The following B3GAT2 variants were observed in gnomAD, a reference collection of about 807,000 sequenced individuals.
B3GAT2 encodes beta-1,3-glucuronyltransferase 2.
A neutral mutation model predicts 27.8 loss-of-function variants in B3GAT2; 26 were observed. The ratio of observed to expected loss-of-function variants is 0.93; its 90% CI spans 0.68 to 1.30. B3GAT2 has a LOEUF of 1.30. Ranked by LOEUF, B3GAT2 falls within the 50% of genes most tolerant of loss-of-function variation. The pLI is 0.00. For missense variants in B3GAT2, 458 were observed against 459.0 expected (o/e 1.00, Z 0.02); for synonymous variants, 218 against 195.1 (o/e 1.12, Z -0.98).
chr6:70,921,335 A>G (rs1291447337), intron 1 of B3GAT2, among the ~76,000 whole-genome samples: 1 of 152,134 alleles, frequency 6.6e-6, no homozygotes, highest in African/African-American at 2.4e-5. Flanking sequence ...ACCAGTCTTC[A>G]AGCTCTGAGA....
chr6:70,945,652 G>A (rs1030645263), intron 1 of B3GAT2, among the ~76,000 whole-genome samples: 13 of 148,964 alleles, frequency 8.7e-5, no homozygotes, highest in African/African-American at 1.2e-4. Context: ...CACTCGGCAC[G>A]ATATTATCCA....
In B3GAT2 at chr6:70,955,902, C is replaced by T. The variant is rs1320198376; in HGVS notation, c.528G>A (p.Ala176=). The T allele has an allele frequency of 6.2e-7, 1 of 1,603,438 alleles. No individual in the cohort carries two copies. The highest frequency in any genetic ancestry group is 1.7e-5 in the Admixed American group (1 of 59,432). ...WLRQRHQHQR[A]QPGVLFFADD... ...CAGCGAAGAAGAGCACGCCGGGCTG[C>T]GCGCGCTGGTGCTGGTGCCTCTGGC... The change falls in exon 1 of 4, where the codon GCG becomes GCA. Residue 176 remains alanine, a synonymous_variant. Coordinates refer to ENST00000230053, the MANE Select transcript of B3GAT2 (RefSeq NM_080742.3).
At chr6:70,868,660 G>A (rs1771888953) in intron 2 of B3GAT2, among the ~76,000 whole-genome samples, 1 of 152,094 alleles carries the variant, frequency 6.6e-6, no homozygotes, top group South Asian at 2.1e-4. Flanking sequence ...AGAGTATTGG[G>A]CTCTTGACAC....
chr6:70,876,278 G>A (rs574273490), intron 2 of B3GAT2, among the ~76,000 whole-genome samples: 5 of 152,326 alleles, frequency 3.3e-5, no homozygotes, highest in African/African-American at 7.2e-5. Context: ...GCTCTTCAGG[G>A]ATTCACTAAT....
chr6:70,927,711 C>T (rs1040024980), intron 1 of B3GAT2, among the ~76,000 whole-genome samples: 5 of 152,118 alleles, frequency 3.3e-5, no homozygotes, highest in East Asian at 1.9e-4. Flanking sequence ...GACTTAGACT[C>T]CCAAACAATA....
Position 70,857,017 on chromosome 6 carries a change from G to A in B3GAT2, c.*4646C>T. On this transcript the variant is annotated 3_prime_UTR_variant, in exon 4 of 4. Transcript: ENST00000230053. ...TGTATGGCACAGGAACCATTCAACAGCAAAGTACTCCTGGTAATGAATTTT... is the reference window on the plus strand; with the variant it reads ...TGTATGGCACAGGAACCATTCAACAACAAAGTACTCCTGGTAATGAATTTT... 2 of 1,606,820 alleles carry A rather than the reference G, an allele frequency of 1.2e-6. No individual in the cohort carries two copies. Among genetic ancestry groups the A allele is most frequent in the Non-Finnish European group, 1.7e-6 (2 of 1,176,274 alleles).
chr6:70,942,503 C>T (rs1765411044), intron 1 of B3GAT2, among the ~76,000 whole-genome samples: 1 of 152,152 alleles, frequency 6.6e-6, no homozygotes, highest in African/African-American at 2.4e-5. Context: ...TACTTCTCAG[C>T]TCAAATGTCA....
At chr6:70,906,479 T>G (rs1473014618) in intron 1 of B3GAT2, among the ~76,000 whole-genome samples, 3 of 151,746 alleles carry the variant, frequency 2.0e-5, no homozygotes, top group African/African-American at 7.3e-5. Flanking sequence ...AGCTGGGGAC[T>G]GCAGGCGTGC....
chr6:70,956,266 C>A lies in B3GAT2; in HGVS notation c.164G>T (p.Arg55Leu). The change falls in exon 1 of 4, where the codon CGC becomes CTC. Residue 55 changes from arginine (R) to leucine (L), a missense_variant. Transcript: ENST00000230053. ...GGTCCCGTGAGCCGGGCCGCCCCTG[C>A]GGAGCGGGAGTCGGGCGCCCCCGCG... ...VGRGGARLPL[R>L]RGGPAHGTQK... The A allele has an allele frequency of 1.2e-6, 2 of 1,610,182 alleles. No individual in the cohort carries two copies. The highest frequency in any genetic ancestry group is 8.5e-7 in the Non-Finnish European group (1 of 1,178,094).
chr6:70,946,354 C>A (rs1232360109), intron 1 of B3GAT2, among the ~76,000 whole-genome samples: 1 of 151,964 alleles, frequency 6.6e-6, no homozygotes, highest in Non-Finnish European at 1.5e-5. Flanking sequence ...TGCAGAGACA[C>A]ACATAGGCTC....
intron 1 of B3GAT2, among the ~76,000 whole-genome samples, chr6:70,904,699 G>A (rs1772568525): frequency 6.6e-6 from 1 of 152,172 alleles, no homozygotes; most frequent in Admixed American, 6.5e-5. Context: ...CAGAAAGAAT[G>A]ACATCGATGG....
At chr6:70,913,661 A>G (rs925987035) in intron 1 of B3GAT2, among the ~76,000 whole-genome samples, 3 of 152,212 alleles carry the variant, frequency 2.0e-5, no homozygotes, top group African/African-American at 7.2e-5. Flanking sequence ...TGGCGATGAG[A>G]AGAATGTATA....
chr6:70,908,426 A>G (rs567947671), intron 1 of B3GAT2, among the ~76,000 whole-genome samples: 3 of 152,350 alleles, frequency 2.0e-5, no homozygotes, highest in Non-Finnish European at 2.9e-5. Context: ...TGTTGAATAC[A>G]GAGAAGTACC....
At chr6:70,922,830 A>T (rs1388022266) in intron 1 of B3GAT2, among the ~76,000 whole-genome samples, 1 of 152,208 alleles carries the variant, frequency 6.6e-6, no homozygotes, top group African/African-American at 2.4e-5. Flanking sequence ...AAAAAAATCA[A>T]TGAGCGATAG....
At chr6:70,943,289 A>G (rs1765422265) in intron 1 of B3GAT2, among the ~76,000 whole-genome samples, 1 of 152,244 alleles carries the variant, frequency 6.6e-6, no homozygotes, top group African/African-American at 2.4e-5. Flanking sequence ...TGAGCAGTCA[A>G]ATGAACCTGG....
rs1335716728 is a variant in B3GAT2 at position 70,860,290 on chromosome 6, G to A, written c.*1373C>T. 1.9e-6 allele frequency: 3 copies of A among 1,613,644 alleles called. No homozygotes were observed. The highest frequency in any genetic ancestry group is 2.5e-6 in the Non-Finnish European group (3 of 1,179,798). ...CTCCAGCACAACAGCAGGATGGTCT[G>A]GAAGCTCATCAGGTCAGACTCTCAG... On this transcript the variant is annotated 3_prime_UTR_variant, in exon 4 of 4. Transcript: ENST00000230053.
In B3GAT2 at chr6:70,858,268, C is replaced by A; in HGVS notation, c.*3395G>T. On this transcript the variant is annotated 3_prime_UTR_variant, in exon 4 of 4. Transcript: ENST00000230053. The stretch of plus-strand genomic sequence containing the variant: ...ACTTTCTAGCTTCTCCCAAATCAAA[C>A]CAGATTTATTTTCTAAATCTTTTTT... 1.4e-6 allele frequency: 1 copy of A among 702,464 alleles called. No individual in the cohort carries two copies. Among genetic ancestry groups the A allele is most frequent in the Non-Finnish European group, 2.3e-6 (1 of 441,848 alleles). 43.5% of individuals were successfully genotyped at this position (702,464 alleles called of 1,614,324 possible). A position where few individuals can be genotyped will look rare whatever the true frequency, so the allele number is the denominator to read the frequency against.
intron 1 of B3GAT2, among the ~76,000 whole-genome samples, chr6:70,907,425 T>C (rs1309180010): frequency 2.0e-5 from 3 of 152,184 alleles, no homozygotes; most frequent in Non-Finnish European, 4.4e-5. Context: ...TGGAGAGCAT[T>C]GGAAAGACTT....
chr6:70,952,705 C>T lies in B3GAT2; in HGVS notation c.591+3134G>A, dbSNP rs180870252. 7.3e-4 allele frequency among the ~76,000 whole-genome samples: 111 copies of T among 152,290 alleles called. 1 individual carries two copies. Among genetic ancestry groups the T allele is most frequent in the South Asian group, 1.7e-3 (8 of 4,828 alleles). ...TTTGAAACCTGAAAAACCCCACCACCTCCTTCTCCAATGAACAGGCCCATT... is the reference window on the plus strand; with the variant it reads ...TTTGAAACCTGAAAAACCCCACCACTTCCTTCTCCAATGAACAGGCCCATT... On this transcript the variant is annotated intron_variant, in intron 1 of 3. Coordinates refer to ENST00000230053, the MANE Select transcript of B3GAT2 (RefSeq NM_080742.3).
Sources: gnomAD v4.1 joint callset for allele counts (sites outside exome capture counted in the v4.1 genomes callset) on GRCh38, gnomAD v4.1.1 for gene constraint, MANE v1.5 for transcripts, NCBI Gene and HGNC (gene_info 2026-07-23, HGNC 2026-07-21) for gene names.